The following MICU2 variants were observed in gnomAD, a reference collection of about 807,000 sequenced individuals.
The protein encoded by MICU2 is calcium uptake protein 2, mitochondrial.
MICU2 carries 64 observed loss-of-function variants against 60.4 expected under a neutral mutation model. That is an observed-to-expected ratio of 1.06 (90% CI 0.87 to 1.31). MICU2 has a LOEUF of 1.31. MICU2 is among the 50% of genes most tolerant of loss of function. The pLI is 0.00. For missense variants in MICU2, 569 were observed against 531.0 expected (o/e 1.07, Z -0.70); for synonymous variants, 201 against 175.0 (o/e 1.15, Z -1.17).
intron 1 of MICU2, among the ~76,000 whole-genome samples, chr13:21,567,772 A>T (rs2138041241): frequency 6.6e-6 from 1 of 152,288 alleles, no homozygotes; most frequent in East Asian, 1.9e-4. Flanking sequence ...ATTCACATAG[A>T]TTATTTAGTT....
chr13:21,593,227 C>G lies in MICU2; in HGVS notation c.210+10712G>C, dbSNP rs190807597. On this transcript the variant is annotated intron_variant, in intron 1 of 11. Transcript: ENST00000382374. ...GCACTCCTTTACAACGATAGGCAAG[C>G]AGAGAGCCAAATCATGAGTGAACTC... Among the ~76,000 whole-genome samples, 320 of 152,048 alleles carry G rather than the reference C, an allele frequency of 2.1e-3. 2 individuals carry two copies. The highest frequency in any genetic ancestry group is 3.1e-3 in the Non-Finnish European group (213 of 67,974).
rs552920403 is a variant in MICU2 at position 21,531,354 on chromosome 13, C to T, written c.466+7948G>A. 261 of 1,446,798 alleles carry T rather than the reference C, an allele frequency of 1.8e-4. 2 individuals carry two copies. In the South Asian group the frequency reaches 3.0e-3, roughly 17 times the overall value. The allele number at this position is 1,446,798 out of a possible 1,614,324, so 89.6% of individuals were successfully genotyped here. A position where few individuals can be genotyped will look rare whatever the true frequency, so the allele number is the denominator to read the frequency against. ...CCAACCCGAAAAACTTGATGGAATGCTTTTATTTTTTATTAAGGGACCCTG... is the reference window on the plus strand; with the variant it reads ...CCAACCCGAAAAACTTGATGGAATGTTTTTATTTTTTATTAAGGGACCCTG... On this transcript the variant is annotated intron_variant, in intron 4 of 11. Coordinates refer to ENST00000382374, the MANE Select transcript of MICU2 (RefSeq NM_152726.3).
chr13:21,517,937 T>C (rs1056604898), intron 6 of MICU2, among the ~76,000 whole-genome samples: 2 of 152,200 alleles, frequency 1.3e-5, no homozygotes, highest in African/African-American at 2.4e-5. Flanking sequence ...TGACATGCTG[T>C]ATCACGCTCT....
At chr13:21,586,087 T>G (rs969482568) in intron 1 of MICU2, among the ~76,000 whole-genome samples, 5 of 152,156 alleles carry the variant, frequency 3.3e-5, no homozygotes, top group African/African-American at 9.7e-5. Context: ...TGGCAATTGG[T>G]CCTATATTTA....
chr13:21,576,070 A>C (rs10870842), intron 1 of MICU2, among the ~76,000 whole-genome samples: 46,605 of 152,192 alleles, frequency 0.31, 8,427 homozygotes, highest in South Asian at 0.41. Flanking sequence ...GAAAGGAACA[A>C]CAAACATTTA....
chr13:21,574,974 A>G (rs562223055), intron 1 of MICU2, among the ~76,000 whole-genome samples: 1 of 152,372 alleles, frequency 6.6e-6, no homozygotes, highest in Admixed American at 6.5e-5. Flanking sequence ...TACATTCTAC[A>G]AAATGACAGC....
chr13:21,593,855 T>A (rs1888639058), intron 1 of MICU2, among the ~76,000 whole-genome samples: 1 of 152,198 alleles, frequency 6.6e-6, no homozygotes, highest in African/African-American at 2.4e-5. Flanking sequence ...CTGGACGCCT[T>A]CCTTACACCT....
intron 1 of MICU2, among the ~76,000 whole-genome samples, chr13:21,581,200 C>T (rs575583239): frequency 6.6e-6 from 1 of 152,188 alleles, no homozygotes; most frequent in Non-Finnish European, 1.5e-5. Context: ...GTTCTGCAAC[C>T]TCCACCTCCT....
chr13:21,593,571 C>CAAAAAAAAAAAAAAAAAAAAAAAAA (rs71093338), intron 1 of MICU2, among the ~76,000 whole-genome samples: 4 of 63,030 alleles, frequency 6.3e-5, no homozygotes, highest in African/African-American at 6.7e-5. Context: ...CAATCCTAAG[C>CAAAAAAAAAAAAAAAAAAAAAAAAA]AAAAAAAAAA....
chr13:21,508,129 T>TC (rs1490626553), intron 8 of MICU2, among the ~76,000 whole-genome samples: 1 of 123,002 alleles, frequency 8.1e-6, no homozygotes, highest in Non-Finnish European at 1.6e-5. Context: ...CTCTTCTTTC[T>TC]TTTTTTTTTT....
chr13:21,493,439 C>T (rs1267324777), intron 11 of MICU2, 86 bp from the exon 12 acceptor site: 15 of 868,630 alleles, frequency 1.7e-5, no homozygotes, highest in Non-Finnish European at 2.1e-5. Flanking sequence ...TGTTTATTTC[C>T]TTCCCACACT....
chr13:21,593,571 C>CAAAAAAAAAAAA (rs71093338), intron 1 of MICU2, among the ~76,000 whole-genome samples: 19 of 63,026 alleles, frequency 3.0e-4, no homozygotes, highest in South Asian at 8.7e-4. Flanking sequence ...CAATCCTAAG[C>CAAAAAAAAAAAA]AAAAAAAAAA....
At chr13:21,585,192 T>C (rs759560081) in intron 1 of MICU2, among the ~76,000 whole-genome samples, 1 of 152,228 alleles carries the variant, frequency 6.6e-6, no homozygotes, top group Non-Finnish European at 1.5e-5. Context: ...TCTCTTTTCA[T>C]AATCTAGCCA....
At chr13:21,522,808 C>T (rs1886751653) in intron 4 of MICU2, among the ~76,000 whole-genome samples, 158 bp from the exon 5 acceptor site, 1 of 152,052 alleles carries the variant, frequency 6.6e-6, no homozygotes, top group Admixed American at 6.5e-5. Context: ...AAGTAGAGGC[C>T]TAATACTTAA....
intron 1 of MICU2, among the ~76,000 whole-genome samples, chr13:21,580,491 G>A (rs1237931590): frequency 6.6e-6 from 1 of 151,568 alleles, no homozygotes; most frequent in African/African-American, 2.4e-5. Context: ...GGAAGAGAGG[G>A]GAGCAGACAT....
intron 6 of MICU2, among the ~76,000 whole-genome samples, chr13:21,517,795 A>ACGCG (rs1256874768): frequency 1.5e-3 from 181 of 118,462 alleles, no homozygotes; most frequent in Middle Eastern, 3.9e-3. Flanking sequence ...ACACACACAC[A>ACGCG]CACACGCGCG....
intron 1 of MICU2, among the ~76,000 whole-genome samples, chr13:21,571,826 C>T (rs893803615): frequency 1.3e-5 from 2 of 152,224 alleles, no homozygotes; most frequent in Non-Finnish European, 2.9e-5. Flanking sequence ...GCTCTGACAG[C>T]TGGGGAGCCA....
chr13:21,548,026 A>G lies in MICU2; in HGVS notation c.359-8338T>C, dbSNP rs188067138. 2.1e-3 allele frequency among the ~76,000 whole-genome samples: 323 copies of G among 152,350 alleles called. 1 individual carries two copies. The highest frequency in any genetic ancestry group is 7.5e-3 in the African/African-American group (313 of 41,572). On this transcript the variant is annotated intron_variant, in intron 2 of 11. Transcript: ENST00000382374. ...AGATACAAGAAAAAGTATATTCACT[A>G]TAGCATTATTTATAACAGTGAAAAA...
chr13:21,549,652 A>C (rs1887503135), intron 2 of MICU2, among the ~76,000 whole-genome samples: 1 of 152,180 alleles, frequency 6.6e-6, no homozygotes, highest in Non-Finnish European at 1.5e-5. Flanking sequence ...AGTTTAAATA[A>C]GGGCATATCA....
Sources: allele counts gnomAD v4.1 joint callset (sites outside exome capture counted in the v4.1 genomes callset), GRCh38; gene constraint gnomAD v4.1.1; transcripts MANE v1.5; gene names NCBI Gene and HGNC (gene_info 2026-07-23, HGNC 2026-07-21).